The following PLEKHD1 variants were observed in gnomAD, a reference collection of about 807,000 sequenced individuals.
PLEKHD1 encodes pleckstrin homology and coiled-coil domain containing D1, also known as pleckstrin homology domain-containing family D member 1.
PLEKHD1 carries 51 observed loss-of-function variants against 69.2 expected under a neutral mutation model. The observed-to-expected ratio is 0.74, with a 90% CI of 0.59 to 0.93. The LOEUF (loss-of-function observed/expected upper bound fraction) is 0.93. Ranked by LOEUF, PLEKHD1 falls within the 40% of genes least tolerant of loss-of-function variation. The pLI, the probability that PLEKHD1 is intolerant of heterozygous loss-of-function variation, is 0.00. For missense variants in PLEKHD1, 584 were observed against 641.0 expected (o/e 0.91, Z 0.96); for synonymous variants, 236 against 244.7 (o/e 0.96, Z 0.33).
At position 69,528,664 on chromosome 14, in the gene PLEKHD1, C is replaced by T. The variant is rs1431102781; in HGVS notation, c.*245C>T. The stretch of plus-strand genomic sequence containing the variant: ...GGGCCATGCAGGCCTGAGCTGGGTG[C>T]TGGTTGTCATGGTGAGGTGAGGACA... On this transcript the variant is annotated 3_prime_UTR_variant, in exon 13 of 13. Transcript: ENST00000322564. 10 of 561,226 alleles carry T rather than the reference C, an allele frequency of 1.8e-5. No individual in the cohort carries two copies. The highest frequency in any genetic ancestry group is 6.3e-5 in the Admixed American group (2 of 31,888). The allele number at this position is 561,226 out of a possible 1,614,324, so 34.8% of individuals were successfully genotyped here. A position where few individuals can be genotyped will look rare whatever the true frequency, so the allele number is the denominator to read the frequency against.
At chr14:69,528,068 A>C (rs1385003660) in intron 12 of PLEKHD1, 136 bp downstream of exon 12, 2 of 1,464,132 alleles carry the variant, frequency 1.4e-6, no homozygotes, top group Non-Finnish European at 1.8e-6. Context: ...TCCTTGGGCA[A>C]ACGGGTGAAT....
the PLEKHD1 span, among the ~76,000 whole-genome samples, chr14:69,475,826 A>G: frequency 6.6e-6 from 1 of 152,006 alleles, no homozygotes; most frequent in Non-Finnish European, 1.5e-5. Flanking sequence ...CTTGTGCCCC[A>G]CCTCAACTCT....
intron 6 of PLEKHD1, among the ~76,000 whole-genome samples, chr14:69,516,265 T>C (rs1303742658): frequency 6.6e-6 from 1 of 152,226 alleles, no homozygotes; most frequent in African/African-American, 2.4e-5. Flanking sequence ...ATCATGCTCT[T>C]TGTAGAAAAC....
chr14:69,496,186 C>T (rs1045384960), intron 1 of PLEKHD1, among the ~76,000 whole-genome samples: 3 of 152,210 alleles, frequency 2.0e-5, no homozygotes, highest in Non-Finnish European at 2.9e-5. Context: ...CCCCAGAGCC[C>T]TGTGCTCTCC....
At chr14:69,513,509 T>C (rs1240079134) in intron 6 of PLEKHD1, among the ~76,000 whole-genome samples, 1 of 152,222 alleles carries the variant, frequency 6.6e-6, no homozygotes, top group Non-Finnish European at 1.5e-5. Flanking sequence ...GTGGCTGAAG[T>C]GTGGCCGCTG....
At position 69,515,864 on chromosome 14, in the gene PLEKHD1, T is replaced by C. The variant is rs568304099; in HGVS notation, c.556-6419T>C. The stretch of plus-strand genomic sequence containing the variant: ...CCCACCTCCAAGATTAGGGATTACA[T>C]TTCAACATGAGATTCGGGCAGGAAC... On this transcript the variant is annotated intron_variant, in intron 6 of 12. Coordinates refer to ENST00000322564, the MANE Select transcript of PLEKHD1 (RefSeq NM_001161498.2). Among the ~76,000 whole-genome samples, 361 of 152,364 alleles carry C rather than the reference T, an allele frequency of 2.4e-3. 1 individual carries two copies. Among genetic ancestry groups the C allele is most frequent in the African/African-American group, 8.3e-3 (346 of 41,592 alleles).
chr14:69,485,056 C>T lies in PLEKHD1; in HGVS notation c.91C>T (p.Leu31Phe). 1.3e-6 allele frequency: 2 copies of T among 1,551,398 alleles called. No homozygotes were observed. The highest frequency in any genetic ancestry group is 8.7e-7 in the Non-Finnish European group (1 of 1,146,904). ...CCTGGATATCAGCACCAAAGTGCAG[C>T]TCTACGGCGTGCTGTGGAAGAGGCC... ...DALDISTKVQ[L>F]YGVLWKRPFG... is the part of the protein sequence containing the mutation. The change falls in exon 1 of 13, where the codon CTC (leucine) becomes TTC (phenylalanine). Residue 31 changes from leucine (L) to phenylalanine (F), a missense_variant. Transcript: ENST00000322564.
Position 69,528,404 on chromosome 14 carries a change from C to G in PLEKHD1, c.1506C>G (p.Ser502=). 1 of 1,550,998 alleles carries G rather than the reference C, an allele frequency of 6.4e-7. No individual in the cohort carries two copies. The highest frequency in any genetic ancestry group is 2.4e-5 in the East Asian group (1 of 40,912). Residue 502 remains serine, a synonymous_variant, in exon 13 of 13, where the codon TCC becomes TCG. Transcript: ENST00000322564. ...AGCCTGGAGCCCCCTCGGCACTCTCCCGGGGTGGAAAGTGATGGGCGCTCC... is the reference window on the plus strand; with the variant it reads ...AGCCTGGAGCCCCCTCGGCACTCTCGCGGGGTGGAAAGTGATGGGCGCTCC... ...ATQPGAPSAL[S]RGGK is the part of the protein sequence containing the mutation.
At chr14:69,490,394 C>G (rs781248743) in intron 1 of PLEKHD1, among the ~76,000 whole-genome samples, 5 of 152,186 alleles carry the variant, frequency 3.3e-5, no homozygotes, top group African/African-American at 4.8e-5. Flanking sequence ...GGAGCTCAGG[C>G]GGTAATGCCA....
rs1229189597 is a variant in PLEKHD1 at position 69,528,403 on chromosome 14, C to G, written c.1505C>G (p.Ser502Cys). ...ATQPGAPSAL[S>C]RGGK is the part of the protein sequence containing the mutation. ...CAGCCTGGAGCCCCCTCGGCACTCT[C>G]CCGGGGTGGAAAGTGATGGGCGCTC... The change falls in exon 13 of 13, where the codon TCC becomes TGC. Residue 502 changes from serine to cysteine, a missense_variant. Transcript: ENST00000322564. The G allele has an allele frequency of 2.6e-6, 4 of 1,550,970 alleles. No individual in the cohort carries two copies. In the South Asian group the frequency reaches 4.8e-5, roughly 18 times the overall value.
chr14:69,484,228 GGGCATCA>G (rs1024660728), upstream of PLEKHD1, among the ~76,000 whole-genome samples: 3 of 152,226 alleles, frequency 2.0e-5, no homozygotes, highest in African/African-American at 7.2e-5. Context: ...CGCCTGCCCG[GGGCATCA>G]GGCATCGCCA....
At position 69,507,870 on chromosome 14, in the gene PLEKHD1, G is replaced by A. The variant is rs565114575; in HGVS notation, c.555+4991G>A. On this transcript the variant is annotated intron_variant, in intron 6 of 12. Coordinates refer to ENST00000322564, the MANE Select transcript of PLEKHD1 (RefSeq NM_001161498.2). Reference sequence around the variant, plus strand: ...ACTATAGGTGCACTCCAGCACACTTGGCTAATTTTTTTAAATTATTTTTAT... The same window carrying A: ...ACTATAGGTGCACTCCAGCACACTTAGCTAATTTTTTTAAATTATTTTTAT... Among the ~76,000 whole-genome samples, 11 of 151,934 alleles carry A rather than the reference G, an allele frequency of 7.2e-5. 1 individual carries two copies. The highest frequency in any genetic ancestry group is 1.5e-4 in the Non-Finnish European group (10 of 67,998).
At chr14:69,485,845 T>C (rs1882644125) in intron 1 of PLEKHD1, among the ~76,000 whole-genome samples, 1 of 152,106 alleles carries the variant, frequency 6.6e-6, no homozygotes, top group Admixed American at 6.5e-5. Flanking sequence ...GACAGGGTAG[T>C]CCCAACCATC....
chr14:69,493,369 G>C lies in PLEKHD1; in HGVS notation c.150-6746G>C, dbSNP rs946849609. Among the ~76,000 whole-genome samples, 7 of 152,342 alleles carry C rather than the reference G, an allele frequency of 4.6e-5. No individual in the cohort carries two copies. In the East Asian group the frequency reaches 7.7e-4, roughly 17 times the overall value. On this transcript the variant is annotated intron_variant, in intron 1 of 12. Transcript: ENST00000322564. ...TTGTCAGCAGAAATAACCGTGTTCT[G>C]AGTTTGCCACTTACTAGTCGCTTAA...
chr14:69,496,093 G>A (rs577632782), intron 1 of PLEKHD1, among the ~76,000 whole-genome samples: 1 of 152,290 alleles, frequency 6.6e-6, no homozygotes, highest in African/African-American at 2.4e-5. Flanking sequence ...ATTTGTACCC[G>A]CATTTTATAG....
chr14:69,482,671 C>A (rs1420828632), upstream of PLEKHD1, among the ~76,000 whole-genome samples: 1 of 152,172 alleles, frequency 6.6e-6, no homozygotes, highest in Non-Finnish European at 1.5e-5. Context: ...AAGTGCAAGC[C>A]TGTGTATGCT....
chr14:69,495,453 C>G (rs2139499677), intron 1 of PLEKHD1, among the ~76,000 whole-genome samples: 1 of 152,202 alleles, frequency 6.6e-6, no homozygotes, highest in East Asian at 1.9e-4. Context: ...GTGCTGTGAC[C>G]TTCAGCAAGT....
intron 2 of PLEKHD1, 182 bp downstream of exon 2, chr14:69,500,390 C>A (rs564351533): frequency 1.4e-6 from 1 of 694,096 alleles, no homozygotes; most frequent in Non-Finnish European, 2.4e-6. Flanking sequence ...CTCTCCTGTG[C>A]CCCAGACCCT....
At chr14:69,482,853 C>G (rs1372561577), upstream of PLEKHD1, among the ~76,000 whole-genome samples, 3 of 143,612 alleles carry the variant, frequency 2.1e-5, no homozygotes, top group Non-Finnish European at 3.0e-5. Flanking sequence ...GCCAGGAATT[C>G]AAGACCAGCC....
Sources: allele counts gnomAD v4.1 joint callset (sites outside exome capture counted in the v4.1 genomes callset), GRCh38; gene constraint gnomAD v4.1.1; transcripts MANE v1.5; gene names NCBI Gene and HGNC (gene_info 2026-07-23, HGNC 2026-07-21).